The following AP2B1 variants were observed in gnomAD, a reference collection of about 807,000 sequenced individuals.
AP2B1 encodes AP-2 complex subunit beta.
A neutral mutation model predicts 102.0 loss-of-function variants in AP2B1; 23 were observed. The ratio of observed to expected loss-of-function variants is 0.23; its 90% confidence interval spans 0.16 to 0.32. The LOEUF (loss-of-function observed/expected upper bound fraction) is 0.32. AP2B1 is among the 10% of genes least tolerant of loss of function. AP2B1 has a pLI of 1.00. For synonymous variants in AP2B1, 381 were observed against 421.2 expected (o/e 0.90, Z 1.17); for missense variants, 541 against 1,157.4 (o/e 0.47, Z 7.73).
chr17:35,593,508 T>C (rs1394429552), intron 1 of AP2B1, among the ~76,000 whole-genome samples: 1 of 152,178 alleles, frequency 6.6e-6, no homozygotes, highest in Non-Finnish European at 1.5e-5. Context: ...TGAAAGAATA[T>C]TGTCCTACTA....
chr17:35,680,279 A>T (rs200513468), intron 17 of AP2B1, among the ~76,000 whole-genome samples: 3 of 152,222 alleles, frequency 2.0e-5, no homozygotes, highest in South Asian at 2.1e-4. Context: ...TAGAATATAA[A>T]TTCAATATAA....
intron 14 of AP2B1, chr17:35,660,153 G>GTTTTT: frequency 7.8e-6 from 7 of 901,750 alleles, no homozygotes; most frequent in Non-Finnish European, 9.3e-6. Flanking sequence ...GTTTTGTTTT[G>GTTTTT]TTTAGTTTGT....
intron 18 of AP2B1, among the ~76,000 whole-genome samples, chr17:35,702,019 C>T (rs1203606371): frequency 6.6e-6 from 1 of 152,216 alleles, no homozygotes; most frequent in Non-Finnish European, 1.5e-5. Context: ...AGCACCTATT[C>T]TGTGCCAGTC....
intron 14 of AP2B1, among the ~76,000 whole-genome samples, chr17:35,661,385 T>TAAA (rs1282418246): frequency 6.6e-6 from 1 of 152,102 alleles, no homozygotes; most frequent in Non-Finnish European, 1.5e-5. Context: ...CAAATGAAAT[T>TAAA]CCAAATGGAG....
At chr17:35,631,102 G>A (rs373778543) in intron 9 of AP2B1, among the ~76,000 whole-genome samples, 1 of 152,082 alleles carries the variant, frequency 6.6e-6, no homozygotes, top group Admixed American at 6.6e-5. Flanking sequence ...CAATCCTATG[G>A]TGCTATTTTT....
In AP2B1 at chr17:35,690,106, T is replaced by A. The variant is rs1197286959; in HGVS notation, c.2454+7282T>A. ...AGACTACTGGATATCATCCCTCAGA[T>A]CACTGAGGCTGCTTTTTTTAAATTT... is the stretch of plus-strand genomic sequence containing the variant. On this transcript the variant is annotated intron_variant, in intron 18 of 21. Transcript: ENST00000610402. Among the ~76,000 whole-genome samples, 8 of 152,314 alleles carry A rather than the reference T, an allele frequency of 5.3e-5. No homozygotes were observed. The East Asian group carries it at 1.3e-3, about 26-fold the overall frequency.
chr17:35,656,267 A>ATAGGGGGCCAGGGGGC (rs1567915548), intron 13 of AP2B1, among the ~76,000 whole-genome samples: 1 of 24,610 alleles, frequency 4.1e-5, no homozygotes, highest in African/African-American at 2.1e-4. Flanking sequence ...CTTGTGAACC[A>ATAGGGGGCCAGGGGGC]TAGGGGGCCA....
At chr17:35,661,822 T>C (rs1027362421) in intron 14 of AP2B1, among the ~76,000 whole-genome samples, 2 of 152,234 alleles carry the variant, frequency 1.3e-5, no homozygotes, top group Non-Finnish European at 2.9e-5. Context: ...CTTCTTTTAC[T>C]GTCACACTCA....
chr17:35,646,859 G>T (rs1190942286), intron 12 of AP2B1, among the ~76,000 whole-genome samples: 1 of 152,068 alleles, frequency 6.6e-6, no homozygotes, highest in Non-Finnish European at 1.5e-5. Flanking sequence ...GAAGTGCTAG[G>T]ATTACTGAGC....
chr17:35,638,869 G>A (rs139819845), intron 10 of AP2B1, among the ~76,000 whole-genome samples: 1 of 150,646 alleles, frequency 6.6e-6, no homozygotes, highest in East Asian at 1.9e-4. Flanking sequence ...ACCATTTCTT[G>A]TCTGGACACT....
intron 21 of AP2B1, 83 bp downstream of exon 21, chr17:35,717,432 AC>A (rs1228697227): frequency 6.7e-7 from 1 of 1,484,886 alleles, no homozygotes; most frequent in Non-Finnish European, 9.2e-7. Flanking sequence ...CCCTAGAAAG[AC>A]CTGGAGGAGG....
rs2076569132 is a variant in AP2B1 at position 35,717,348 on chromosome 17, C to T, written c.2780C>T (p.Thr927Met). 2 of 1,614,028 alleles carry T rather than the reference C, an allele frequency of 1.2e-6. No individual in the cohort carries two copies. Among genetic ancestry groups the T allele is most frequent in the South Asian group, 1.1e-5 (1 of 91,068 alleles). The part of the protein sequence containing the change: ...LRIQPGNPNY[T>M]LSLKCRAPEV... ...ATCCAGCCAGGAAACCCCAATTACA[C>T]GGTAAGGCCTTTCTCAGAATGGGTG... The change falls in exon 21 of 22, where the codon ACG becomes ATG. Residue 927 changes from threonine to methionine, a missense_variant and splice_region_variant. Thr to Met is a moderately conservative substitution (Grantham distance 81). Transcript: ENST00000610402.
intron 14 of AP2B1, among the ~76,000 whole-genome samples, chr17:35,667,183 A>G (rs577024102): frequency 6.6e-6 from 1 of 152,310 alleles, no homozygotes; most frequent in East Asian, 1.9e-4. Context: ...ACTCACACCC[A>G]TCATCATGCT....
intron 17 of AP2B1, among the ~76,000 whole-genome samples, chr17:35,677,946 G>A (rs58930582): frequency 0.017 from 2,575 of 149,952 alleles, 75 homozygotes; most frequent in African/African-American, 0.06. Context: ...TGTAACCTCC[G>A]TCTCCTGGGT....
chr17:35,680,587 T>G (rs1323676178), intron 17 of AP2B1, among the ~76,000 whole-genome samples: 1 of 152,036 alleles, frequency 6.6e-6, no homozygotes, highest in Non-Finnish European at 1.5e-5. Context: ...CCCAAGCTGG[T>G]CTTGAACTGC....
chr17:35,660,501 G>A (rs2075335148), intron 14 of AP2B1, among the ~76,000 whole-genome samples: 1 of 116,962 alleles, frequency 8.5e-6, no homozygotes, highest in South Asian at 2.6e-4. Flanking sequence ...TTTTTTTTTG[G>A]AGGTGGAGTT....
chr17:35,687,743 G>A (rs973993997), intron 18 of AP2B1, among the ~76,000 whole-genome samples: 11 of 152,018 alleles, frequency 7.2e-5, no homozygotes, highest in African/African-American at 2.4e-4. Context: ...TAGAGATGGG[G>A]TCTCACTGTG....
intron 18 of AP2B1, among the ~76,000 whole-genome samples, chr17:35,690,762 G>C (rs957776716): frequency 2.0e-4 from 31 of 152,182 alleles, no homozygotes; most frequent in Admixed American, 6.5e-4. Context: ...CTTTTTGTTA[G>C]TATCTCTATG....
chr17:35,609,058 G>A (rs1027786107), intron 5 of AP2B1, among the ~76,000 whole-genome samples: 1 of 152,170 alleles, frequency 6.6e-6, no homozygotes, highest in Admixed American at 6.5e-5. Context: ...GAAGATGGAG[G>A]AAAATAGCCA....
Sources: allele counts gnomAD v4.1 joint callset (sites outside exome capture counted in the v4.1 genomes callset), GRCh38; gene constraint gnomAD v4.1.1; transcripts MANE v1.5; gene names NCBI Gene and HGNC (gene_info 2026-07-23, HGNC 2026-07-21).